ANGPTL5: variants seen among roughly 807,000 people sequenced by gnomAD.
ANGPTL5 encodes angiopoietin-related protein 5.
ANGPTL5 carries 34 observed loss-of-function variants against 39.4 expected under a neutral mutation model. The observed-to-expected ratio is 0.86, with a 90% CI of 0.66 to 1.15. The LOEUF (loss-of-function observed/expected upper bound fraction) is 1.15. Among genes scored for constraint, ANGPTL5 ranks in the 50% most tolerant of loss-of-function variants. ANGPTL5 has a pLI of 0.00. For synonymous variants in ANGPTL5, 146 were observed against 152.1 expected (o/e 0.96, Z 0.29); for missense variants, 467 against 457.5 (o/e 1.02, Z -0.19).
rs150362257 is a variant in ANGPTL5 at position 101,894,968 on chromosome 11, G to C, written c.758C>G (p.Thr253Ser). Residue 253 changes from threonine to serine, a missense_variant, in exon 8 of 9, where the codon ACT becomes AGT. Transcript: ENST00000334289. The stretch of plus-strand genomic sequence containing the variant: ...ATTATCATATGATGCATAAGCAAGA[G>C]TGTCATCTTCAGATTCCAAAGCCAC... ...LYVALESEDDTLAYASYDNFW... is the reference protein window; with the variant it reads ...LYVALESEDDSLAYASYDNFW... 491 of 1,612,006 alleles carry C rather than the reference G, an allele frequency of 3.0e-4. No individual in the cohort carries two copies. The highest frequency in any genetic ancestry group is 3.8e-4 in the Non-Finnish European group (444 of 1,178,372).
chr11:101,913,246 T>G (rs958109895), intron 1 of ANGPTL5, among the ~76,000 whole-genome samples: 1 of 152,190 alleles, frequency 6.6e-6, no homozygotes, highest in Non-Finnish European at 1.5e-5. Context: ...TAAAAAAAAT[T>G]TAGACATAAT....
chr11:101,900,281 A>C (rs965703540), intron 7 of ANGPTL5, 149 bp downstream of exon 7: 1 of 738,846 alleles, frequency 1.4e-6, no homozygotes, highest in Non-Finnish European at 2.2e-6. Context: ...ATTTTAAATA[A>C]TCTGGCATAT....
intron 8 of ANGPTL5, 28 bp from the exon 9 acceptor site, chr11:101,891,626 T>C (rs986094493): frequency 1.3e-6 from 2 of 1,597,272 alleles, no homozygotes; most frequent in African/African-American, 2.7e-5. Context: ...AATGATCGAA[T>C]TTAAAGGAAA....
chr11:101,902,405 A>G (rs1383302915), intron 6 of ANGPTL5, among the ~76,000 whole-genome samples: 3 of 152,196 alleles, frequency 2.0e-5, no homozygotes, highest in Non-Finnish European at 4.4e-5. Flanking sequence ...CAAATAGAAA[A>G]GTGAAAGACA....
intron 1 of ANGPTL5, chr11:101,915,556 C>T (rs1940191277): frequency 1.8e-6 from 2 of 1,095,642 alleles, no homozygotes; most frequent in South Asian, 1.7e-5. Flanking sequence ...TAGCAACTGT[C>T]GTGTCTCACC....
chr11:101,914,292 A>T (rs535176500), intron 1 of ANGPTL5, among the ~76,000 whole-genome samples: 1 of 152,234 alleles, frequency 6.6e-6, no homozygotes, highest in African/African-American at 2.4e-5. Flanking sequence ...AATAAGATTC[A>T]GCCTTTTTCA....
chr11:101,893,559 T>A (rs1939741630), intron 8 of ANGPTL5, among the ~76,000 whole-genome samples: 1 of 152,210 alleles, frequency 6.6e-6, no homozygotes. Context: ...AATTTGAGAC[T>A]TTTGTAACGA....
intron 8 of ANGPTL5, among the ~76,000 whole-genome samples, chr11:101,893,215 T>C (rs950187676): frequency 4.6e-5 from 7 of 152,174 alleles, no homozygotes; most frequent in Non-Finnish European, 1.0e-4. Context: ...TCTGTGAGAG[T>C]GTGGTTGGAG....
intron 6 of ANGPTL5, among the ~76,000 whole-genome samples, chr11:101,902,131 T>C (rs1280026868): frequency 2.0e-5 from 3 of 152,130 alleles, no homozygotes; most frequent in African/African-American, 7.2e-5. Context: ...CTGAAAGGTT[T>C]TTTAATTATT....
chr11:101,899,925 T>A (rs1336297899), intron 7 of ANGPTL5, among the ~76,000 whole-genome samples: 1 of 152,212 alleles, frequency 6.6e-6, no homozygotes, highest in Non-Finnish European at 1.5e-5. Flanking sequence ...GTAAACAGAT[T>A]TTACATTGAC....
chr11:101,911,620 G>C (rs1429367354), intron 1 of ANGPTL5, among the ~76,000 whole-genome samples: 1 of 152,140 alleles, frequency 6.6e-6, no homozygotes, highest in Admixed American at 6.5e-5. Flanking sequence ...TGCCATGTAA[G>C]ATGCCTGCTC....
At chr11:101,899,151 G>C (rs1487421488) in intron 7 of ANGPTL5, among the ~76,000 whole-genome samples, 1 of 152,184 alleles carries the variant, frequency 6.6e-6, no homozygotes, top group African/African-American at 2.4e-5. Flanking sequence ...GGATGATTCT[G>C]TCCTCATAAA....
intron 1 of ANGPTL5, chr11:101,915,071 C>G: frequency 3.4e-6 from 2 of 591,518 alleles, no homozygotes; most frequent in Non-Finnish European, 5.6e-6. Flanking sequence ...CTGCTATTGC[C>G]CGGCGAGGTC....
intron 1 of ANGPTL5, chr11:101,915,084 C>G: frequency 2.9e-6 from 2 of 697,772 alleles, no homozygotes; most frequent in Non-Finnish European, 2.2e-6. Flanking sequence ...GCGAGGTCGC[C>G]GCTGCCTCAG....
At chr11:101,892,323 C>G (rs1017794230) in intron 8 of ANGPTL5, among the ~76,000 whole-genome samples, 3 of 152,120 alleles carry the variant, frequency 2.0e-5, no homozygotes, top group Non-Finnish European at 4.4e-5. Context: ...CTTCACCTCC[C>G]AGGGTCAAGC....
rs139550569 is a variant in ANGPTL5 at position 101,915,755 on chromosome 11, C to T, written c.-93+264G>A. ...ACATATTAACTACTTCCTGATTTATCGTACTACTTGGAGAGAGAAATTACA... is the reference window on the plus strand; with the variant it reads ...ACATATTAACTACTTCCTGATTTATTGTACTACTTGGAGAGAGAAATTACA... On this transcript the variant is annotated intron_variant, in intron 1 of 8. Transcript: ENST00000334289. 6.5e-3 allele frequency among the ~76,000 whole-genome samples: 990 copies of T among 152,282 alleles called. 12 individuals are homozygous for T. Among genetic ancestry groups the T allele is most frequent in the African/African-American group, 0.022 (895 of 41,562 alleles).
In ANGPTL5 at chr11:101,890,907, A is replaced by G. The variant is rs1289602366; in HGVS notation, c.*372T>C. The G allele has an allele frequency of 5.8e-6, 1 of 173,502 alleles. No individual in the cohort carries two copies. Among genetic ancestry groups the G allele is most frequent in the African/African-American group, 2.4e-5 (1 of 41,638 alleles). The allele number at this position is 173,502 out of a possible 1,614,324, so 10.7% of individuals were successfully genotyped here. A position where few individuals can be genotyped will look rare whatever the true frequency, so the allele number is the denominator to read the frequency against. On this transcript the variant is annotated 3_prime_UTR_variant, in exon 9 of 9. Coordinates refer to ENST00000334289, the MANE Select transcript of ANGPTL5 (RefSeq NM_178127.5). Reference sequence around the variant, plus strand: ...GAAATTATCTGTAGATTATATAATCATATAAAGTATAAAAATAAGTAAAAT... The same window carrying G: ...GAAATTATCTGTAGATTATATAATCGTATAAAGTATAAAAATAAGTAAAAT...
intron 1 of ANGPTL5, among the ~76,000 whole-genome samples, chr11:101,910,429 A>G (rs1175933492): frequency 8.1e-6 from 1 of 123,800 alleles, no homozygotes; most frequent in African/African-American, 2.7e-5. Context: ...AAAAAAATAT[A>G]TATATATATA....
In ANGPTL5 at chr11:101,902,656, T is replaced by C. The variant is rs1591255970; in HGVS notation, c.505A>G (p.Ile169Val). ...TAGCTAGATCCTTCTGGGTGAATTA[T>C]GTATAAACCACTCGGTGTTTTGGTG... ...SVTKTPSGLY[I>V]IHPEGSSYPF... The change falls in exon 6 of 9, where the codon ATA becomes GTA. Residue 169 changes from isoleucine to valine, a missense_variant. Transcript: ENST00000334289. The C allele has an allele frequency of 6.2e-7, 1 of 1,611,662 alleles. No individual in the cohort carries two copies. Among genetic ancestry groups the C allele is most frequent in the Non-Finnish European group, 8.5e-7 (1 of 1,178,268 alleles).
Sources: gnomAD v4.1 joint callset for allele counts (sites outside exome capture counted in the v4.1 genomes callset) on GRCh38, gnomAD v4.1.1 for gene constraint, MANE v1.5 for transcripts, NCBI Gene and HGNC (gene_info 2026-07-23, HGNC 2026-07-21) for gene names.